The following XKR4 variants were observed in gnomAD, a reference collection of about 807,000 sequenced individuals.
XKR4 encodes the protein XK-related protein 4.
In XKR4, 12 loss-of-function variants were observed where a neutral mutation model predicts 53.9. That is an observed-to-expected ratio of 0.22 (90% CI 0.14 to 0.36). XKR4 has a LOEUF of 0.36. Among genes scored for constraint, XKR4 ranks in the 10% least tolerant of loss-of-function variants. XKR4 has a pLI of 1.00. For synonymous variants in XKR4, 354 were observed against 362.4 expected (o/e 0.98, Z 0.26); for missense variants, 799 against 859.5 (o/e 0.93, Z 0.88).
chr8:55,227,659 G>A (rs1817974058), intron 1 of XKR4, among the ~76,000 whole-genome samples: 1 of 152,232 alleles, frequency 6.6e-6, no homozygotes, highest in African/African-American at 2.4e-5. Flanking sequence ...TGGTTACATT[G>A]GGACAGTTGG....
intron 2 of XKR4, among the ~76,000 whole-genome samples, chr8:55,465,985 C>T (rs1372343196): frequency 6.6e-6 from 1 of 152,028 alleles, no homozygotes; most frequent in African/African-American, 2.4e-5. Context: ...AGTCAGGAAA[C>T]AACAGGTGCT....
intron 1 of XKR4, among the ~76,000 whole-genome samples, chr8:55,155,394 G>C (rs146959605): frequency 9.1e-4 from 139 of 152,084 alleles, no homozygotes; most frequent in African/African-American, 3.2e-3. Context: ...AAAAATGAAA[G>C]AATTATTAGA....
At chr8:55,478,593 A>C (rs1011438900) in intron 2 of XKR4, among the ~76,000 whole-genome samples, 50 of 152,304 alleles carry the variant, frequency 3.3e-4, no homozygotes, top group African/African-American at 7.9e-4. Flanking sequence ...CAATTAAAAG[A>C]CACAGACTGG....
At chr8:55,372,363 G>C (rs1219854427) in intron 2 of XKR4, among the ~76,000 whole-genome samples, 1 of 152,176 alleles carries the variant, frequency 6.6e-6, no homozygotes, top group African/African-American at 2.4e-5. Context: ...GCCAGTGTGG[G>C]AACTTAGAGC....
intron 2 of XKR4, among the ~76,000 whole-genome samples, chr8:55,394,014 G>A (rs935180599): frequency 7.9e-5 from 12 of 152,144 alleles, no homozygotes; most frequent in Admixed American, 7.9e-4. Context: ...CCCTGACCAT[G>A]AGAAGTTTAA....
chr8:55,221,614 A>G (rs1403446545), intron 1 of XKR4, among the ~76,000 whole-genome samples: 1 of 152,114 alleles, frequency 6.6e-6, no homozygotes, highest in Non-Finnish European at 1.5e-5. Flanking sequence ...CATTGGCACT[A>G]TCGTTCTTTG....
chr8:55,428,866 G>T (rs1186051065), intron 2 of XKR4, among the ~76,000 whole-genome samples: 1 of 152,326 alleles, frequency 6.6e-6, no homozygotes, highest in South Asian at 2.1e-4. Flanking sequence ...ATGGATGTGG[G>T]TTTAATGCAA....
rs142437695 is a variant in XKR4, at chr8:55,204,104, G to A, written c.806+100810G>A. Among the ~76,000 whole-genome samples the A allele has an allele frequency of 8.5e-3, 1,297 of 151,992 alleles. 15 individuals carry two copies. The highest frequency in any genetic ancestry group is 0.01 in the Non-Finnish European group (698 of 67,974). ...TAGCTCACTGCAGCCTCAACCTCCCGGACTCAAGCAGCCCTCCCACCGCAG... is the reference window on the plus strand; with the variant it reads ...TAGCTCACTGCAGCCTCAACCTCCCAGACTCAAGCAGCCCTCCCACCGCAG... On this transcript the variant is annotated intron_variant, in intron 1 of 2. Coordinates refer to ENST00000327381, the MANE Select transcript of XKR4 (RefSeq NM_052898.2).
At chr8:55,408,747 G>A (rs548630373) in intron 2 of XKR4, among the ~76,000 whole-genome samples, 24 of 152,280 alleles carry the variant, frequency 1.6e-4, no homozygotes, top group African/African-American at 5.3e-4. Flanking sequence ...GGTGGTTCGC[G>A]CCTGTAATCC....
rs1430491388 is a variant in XKR4 at position 55,454,789 on chromosome 8, T to G, written c.1007-68492T>G. On this transcript the variant is annotated intron_variant, in intron 2 of 2. Transcript: ENST00000327381. Reference sequence around the variant, plus strand: ...TACCAGCGTCTTTGGGGCAAACATCTGGGCAGATGGGCAGGCTCTGTGGGC... The same window carrying G: ...TACCAGCGTCTTTGGGGCAAACATCGGGGCAGATGGGCAGGCTCTGTGGGC... 4 of 770,082 alleles carry G rather than the reference T, an allele frequency of 5.2e-6. No individual in the cohort carries two copies. In the African/African-American group the frequency reaches 6.8e-5, roughly 13 times the overall value. The allele number at this position is 770,082 out of a possible 1,614,324, so 47.7% of individuals were successfully genotyped here. A position where few individuals can be genotyped will look rare whatever the true frequency, so the allele number is the denominator to read the frequency against.
At chr8:55,512,003 T>C (rs1806632942) in intron 2 of XKR4, among the ~76,000 whole-genome samples, 1 of 152,062 alleles carries the variant, frequency 6.6e-6, no homozygotes, top group Non-Finnish European at 1.5e-5. Flanking sequence ...GAATGACCAA[T>C]TATATTTATA....
At chr8:55,224,482 C>G (rs4481573) in intron 1 of XKR4, among the ~76,000 whole-genome samples, 36,019 of 152,024 alleles carry the variant, frequency 0.24, 4,732 homozygotes, top group East Asian at 0.47. Context: ...TTAGTTCACT[C>G]TCAACTTTGT....
At chr8:55,110,615 A>G (rs1013255241) in intron 1 of XKR4, among the ~76,000 whole-genome samples, 1 of 152,178 alleles carries the variant, frequency 6.6e-6, no homozygotes, top group African/African-American at 2.4e-5. Context: ...TTGGGAAAAT[A>G]GGGGTAAATT....
At chr8:55,273,742 G>A (rs4738023) in intron 1 of XKR4, among the ~76,000 whole-genome samples, 114,176 of 152,094 alleles carry the variant, frequency 0.75, 46,110 homozygotes, top group Non-Finnish European at 0.91. Flanking sequence ...CCCCCCACTC[G>A]CCAAGTTATC....
intron 1 of XKR4, among the ~76,000 whole-genome samples, chr8:55,219,792 C>T (rs1224700615): frequency 6.6e-6 from 1 of 152,094 alleles, no homozygotes; most frequent in Admixed American, 6.6e-5. Context: ...GCTTTGGTGA[C>T]AAGGGCTCAG....
chr8:55,350,011 TACAC>T (rs372942073), intron 1 of XKR4, among the ~76,000 whole-genome samples: 2 of 151,830 alleles, frequency 1.3e-5, no homozygotes. Context: ...ATTCTGTGTG[TACAC>T]ACACACACAT....
At chr8:55,270,990 G>C (rs77453650) in intron 1 of XKR4, among the ~76,000 whole-genome samples, 1,572 of 152,242 alleles carry the variant, frequency 0.01, 20 homozygotes, top group Middle Eastern at 0.031. Context: ...CCATACCTAA[G>C]AGCTAGGGAG....
intron 2 of XKR4, among the ~76,000 whole-genome samples, chr8:55,405,889 T>C (rs1244247220): frequency 6.6e-6 from 1 of 152,226 alleles, no homozygotes; most frequent in African/African-American, 2.4e-5. Flanking sequence ...TCTGCTGACT[T>C]CCTTCTCTGT....
At chr8:55,247,271 C>T (rs1295512164) in intron 1 of XKR4, among the ~76,000 whole-genome samples, 1 of 152,190 alleles carries the variant, frequency 6.6e-6, no homozygotes, top group African/African-American at 2.4e-5. Context: ...TTCCTATAAT[C>T]ATCTAGGAGA....
Sources: allele counts gnomAD v4.1 joint callset (sites outside exome capture counted in the v4.1 genomes callset), GRCh38; gene constraint gnomAD v4.1.1; transcripts MANE v1.5; gene names NCBI Gene and HGNC (gene_info 2026-07-23, HGNC 2026-07-21).